MTA3: variants seen among roughly 807,000 people sequenced by gnomAD.
MTA3 encodes the protein metastasis-associated protein MTA3.
MTA3 carries 34 observed loss-of-function variants against 83.5 expected under a neutral mutation model. That is an observed-to-expected ratio of 0.41 (90% CI 0.31 to 0.54). The LOEUF is 0.54. Ranked by LOEUF, MTA3 falls within the 20% of genes least tolerant of loss-of-function variation. MTA3 has a pLI of 0.33. For missense variants in MTA3, 761 were observed against 726.4 expected, an observed-to-expected ratio of 1.05 and a Z score of -0.55; for synonymous variants, 303 against 252.7, an observed-to-expected ratio of 1.20 and a Z score of -1.89.
rs76763164 is a variant in MTA3 at position 42,584,558 on chromosome 2, T to G, written c.190+5358T>G. Among the ~76,000 whole-genome samples the G allele has an allele frequency of 7.8e-3, 1,194 of 152,106 alleles. 13 individuals are homozygous for G. Among genetic ancestry groups the G allele is most frequent in the African/African-American group, 0.028 (1,152 of 41,486 alleles). On this transcript the variant is annotated intron_variant, in intron 3 of 16. Coordinates refer to ENST00000405094, the MANE Select transcript of MTA3 (RefSeq NM_001330442.2). ...AGACTTCAGTGTATTTTTTTTTTTT[T>G]GGGATGGAGTCTAGCTCTGTTGCCC...
chr2:42,563,814 TCC>T (rs1677777287), upstream of MTA3, among the ~76,000 whole-genome samples: 2 of 147,476 alleles, frequency 1.4e-5, no homozygotes, highest in African/African-American at 5.0e-5. Flanking sequence ...CTTCCTTCCT[TCC>T]TTCCTTCCTT....
chr2:42,508,603 G>A (rs1336944623), intron 2 of MTA3, among the ~76,000 whole-genome samples: 3 of 151,854 alleles, frequency 2.0e-5, no homozygotes, highest in African/African-American at 7.3e-5. Context: ...AAAGTCCTGG[G>A]ATTACAGGTG....
intron 3 of MTA3, among the ~76,000 whole-genome samples, chr2:42,594,244 CTTT>C (rs143512619): frequency 0.43 from 49,753 of 114,706 alleles, 9,645 homozygotes; most frequent in South Asian, 0.55. Flanking sequence ...CGCCAGGCCC[CTTT>C]TTTTTTTTTT....
intron 2 of MTA3, among the ~76,000 whole-genome samples, chr2:42,542,176 C>T (rs78134927): frequency 0.027 from 4,152 of 152,284 alleles, 73 homozygotes; most frequent in Non-Finnish European, 0.043. Flanking sequence ...GTAACTGACC[C>T]ATAGGAGTCA....
At chr2:42,634,696 A>G (rs906722808) in intron 4 of MTA3, among the ~76,000 whole-genome samples, 1 of 152,052 alleles carries the variant, frequency 6.6e-6, no homozygotes, top group Non-Finnish European at 1.5e-5. Flanking sequence ...GTGTATGGAT[A>G]TGGCTGTCTA....
chr2:42,609,815 C>T (rs1463499149), intron 4 of MTA3, among the ~76,000 whole-genome samples: 1 of 151,966 alleles, frequency 6.6e-6, no homozygotes, highest in African/African-American at 2.4e-5. Flanking sequence ...ACAGACTTTC[C>T]TGGCCAGGCG....
intron 16 of MTA3, among the ~76,000 whole-genome samples, chr2:42,735,012 G>A (rs1385176400): frequency 2.0e-5 from 3 of 152,092 alleles, no homozygotes; most frequent in Admixed American, 6.5e-5. Context: ...CAATTACACT[G>A]TTATAATATT....
In MTA3 at chr2:42,514,375, AT is replaced by A. The variant is rs1251454544; in HGVS notation, c.-141+19122del. Among the ~76,000 whole-genome samples the A allele has an allele frequency of 5.3e-5, 8 of 152,006 alleles. No individual in the cohort carries two copies. In the East Asian group the frequency reaches 1.5e-3, roughly 29 times the overall value. On this transcript the variant is annotated intron_variant, in intron 2 of 17. Transcript: ENST00000405592. Reference sequence around the variant, plus strand: ...AATATTTTTCTTTCTTTTTGTGTGTATGTGGTTTTTTGTTTGTTTGTTTTGA... The same window carrying A: ...AATATTTTTCTTTCTTTTTGTGTGTAGTGGTTTTTTGTTTGTTTGTTTTGA...
intron 3 of MTA3, among the ~76,000 whole-genome samples, chr2:42,579,754 T>A (rs950431002): frequency 6.6e-6 from 1 of 152,160 alleles, no homozygotes; most frequent in Non-Finnish European, 1.5e-5. Flanking sequence ...TCTTGCTATG[T>A]TGCCCAGGCT....
At chr2:42,532,887 G>C in intron 2 of MTA3, 1 of 331,378 alleles carries the variant, frequency 3.0e-6, no homozygotes, top group Non-Finnish European at 5.8e-6. Flanking sequence ...TTTCTCTTTG[G>C]CTTCTTTTTT....
chr2:42,738,748 C>A (rs1216031469), intron 16 of MTA3, among the ~76,000 whole-genome samples: 1 of 152,196 alleles, frequency 6.6e-6, no homozygotes, highest in Non-Finnish European at 1.5e-5. Flanking sequence ...CATGGAACGT[C>A]CCTGAGAAAG....
intron 2 of MTA3, among the ~76,000 whole-genome samples, chr2:42,501,101 C>T (rs1413343471): frequency 2.0e-5 from 3 of 152,032 alleles, no homozygotes; most frequent in African/African-American, 7.2e-5. Flanking sequence ...TGAGCCACCG[C>T]GCGTGACCTG....
At chr2:42,668,980 C>G (rs1441086747) in intron 8 of MTA3, among the ~76,000 whole-genome samples, 1 of 152,000 alleles carries the variant, frequency 6.6e-6, no homozygotes, top group Non-Finnish European at 1.5e-5. Context: ...TGCTAGCCAT[C>G]AATCACGTAC....
At chr2:42,619,167 A>T (rs537758123) in intron 4 of MTA3, among the ~76,000 whole-genome samples, 1 of 152,332 alleles carries the variant, frequency 6.6e-6, no homozygotes, top group Non-Finnish European at 1.5e-5. Flanking sequence ...GGAAAATTCC[A>T]TTGTTCAGTA....
intron 9 of MTA3, among the ~76,000 whole-genome samples, chr2:42,687,940 C>T (rs1692537899): frequency 6.6e-6 from 1 of 152,210 alleles, no homozygotes; most frequent in Non-Finnish European, 1.5e-5. Flanking sequence ...GCCTTAGTTT[C>T]TGCAGAACAT....
chr2:42,687,286 G>A (rs1692467875), intron 9 of MTA3, among the ~76,000 whole-genome samples: 1 of 152,186 alleles, frequency 6.6e-6, no homozygotes, highest in South Asian at 2.1e-4. Context: ...TCTGAACACT[G>A]TGTAAGTAGA....
intron 2 of MTA3, chr2:42,532,778 G>A: frequency 3.1e-6 from 1 of 325,826 alleles, no homozygotes; most frequent in South Asian, 3.5e-5. Flanking sequence ...TGAACTCATA[G>A]GGAATGGGTT....
chr2:42,620,110 ATCACACATCTTTTT>A (rs1685365534), intron 4 of MTA3, among the ~76,000 whole-genome samples: 2 of 150,546 alleles, frequency 1.3e-5, no homozygotes, highest in African/African-American at 4.9e-5. Context: ...GTTTCAAGAC[ATCACACATCTTTTT>A]TTTTTTTTTT....
intron 6 of MTA3, among the ~76,000 whole-genome samples, chr2:42,648,442 C>A (rs975332944): frequency 3.3e-5 from 5 of 152,154 alleles, no homozygotes; most frequent in Admixed American, 1.3e-4. Flanking sequence ...GAATTAATAT[C>A]TTGGGTAGGT....
Sources: allele counts gnomAD v4.1 joint callset (sites outside exome capture counted in the v4.1 genomes callset), GRCh38; gene constraint gnomAD v4.1.1; transcripts MANE v1.5; gene names NCBI Gene and HGNC (gene_info 2026-07-23, HGNC 2026-07-21).